AKAIN1: variants seen among roughly 807,000 people sequenced by gnomAD.
The protein encoded by AKAIN1 is A-kinase anchor inhibitor 1.
A neutral mutation model predicts 3.7 loss-of-function variants in AKAIN1; 3 were observed. The ratio of observed to expected loss-of-function variants is 0.82; its 90% CI spans 0.37 to 2.12. The LOEUF is 2.12. Among genes scored for constraint, AKAIN1 ranks in the 30% most tolerant of loss-of-function variants. The pLI is 0.06. For missense variants in AKAIN1, 82 were observed against 82.7 expected (o/e 0.99, Z 0.03); for synonymous variants, 31 against 30.8 (o/e 1.01, Z -0.02).
chr18:5,148,856 C>CA (rs546979515), intron 1 of AKAIN1, among the ~76,000 whole-genome samples: 20 of 149,108 alleles, frequency 1.3e-4, no homozygotes, highest in African/African-American at 2.7e-4. Context: ...GACTCTGTCA[C>CA]AAAAAAAAGA....
intron 1 of AKAIN1, among the ~76,000 whole-genome samples, chr18:5,189,930 A>G (rs561188465): frequency 2.6e-5 from 4 of 152,178 alleles, no homozygotes; most frequent in East Asian, 1.9e-4. Context: ...CTCAGTATCA[A>G]TTTTCTGTCT....
chr18:5,157,693 C>A (rs919275683), intron 1 of AKAIN1, among the ~76,000 whole-genome samples: 46 of 152,236 alleles, frequency 3.0e-4, no homozygotes, highest in African/African-American at 1.0e-3. Flanking sequence ...GACTTAGAAA[C>A]TTTTTTTAAA....
intron 1 of AKAIN1, among the ~76,000 whole-genome samples, chr18:5,167,138 A>C (rs1408931465): frequency 2.0e-5 from 3 of 152,124 alleles, no homozygotes; most frequent in Admixed American, 2.0e-4. Context: ...TAAATGGAGC[A>C]GGTTTAGAAG....
intron 1 of AKAIN1, among the ~76,000 whole-genome samples, chr18:5,165,392 A>G (rs552401498): frequency 5.3e-5 from 8 of 152,146 alleles, no homozygotes; most frequent in African/African-American, 1.9e-4. Flanking sequence ...GTAAGAAAGA[A>G]CAGCAATGGC....
chr18:5,190,953 AG>A (rs1455906996), intron 1 of AKAIN1, among the ~76,000 whole-genome samples: 1 of 152,138 alleles, frequency 6.6e-6, no homozygotes, highest in African/African-American at 2.4e-5. Flanking sequence ...ATTGGTGATG[AG>A]GGAACATTTG....
intron 1 of AKAIN1, among the ~76,000 whole-genome samples, chr18:5,149,339 C>T (rs2143308114): frequency 6.6e-6 from 1 of 152,262 alleles, no homozygotes; most frequent in Non-Finnish European, 1.5e-5. Context: ...GTGTTAGGCT[C>T]TTGGGTATGA....
At chr18:5,173,219 A>C (rs760881817) in intron 1 of AKAIN1, among the ~76,000 whole-genome samples, 1 of 152,204 alleles carries the variant, frequency 6.6e-6, no homozygotes, top group South Asian at 2.1e-4. Context: ...ACAATTGCTG[A>C]AAGCTTTTTG....
chr18:5,154,533 A>G (rs541591441), intron 1 of AKAIN1, among the ~76,000 whole-genome samples: 2 of 152,152 alleles, frequency 1.3e-5, no homozygotes, highest in Admixed American at 1.3e-4. Context: ...TAGAAAATCT[A>G]TGAAATGAGA....
chr18:5,190,512 C>T (rs2143033852), intron 1 of AKAIN1, among the ~76,000 whole-genome samples: 1 of 152,176 alleles, frequency 6.6e-6, no homozygotes, highest in East Asian at 1.9e-4. Context: ...TATAGTTTTA[C>T]TGGTGACGGA....
chr18:5,192,363 A>G (rs1000793925), intron 1 of AKAIN1, among the ~76,000 whole-genome samples: 1 of 151,582 alleles, frequency 6.6e-6, no homozygotes. Context: ...AACTACAGGC[A>G]TGTGCAACCA....
At chr18:5,168,592 A>T (rs1300258491) in intron 1 of AKAIN1, among the ~76,000 whole-genome samples, 5 of 152,078 alleles carry the variant, frequency 3.3e-5, no homozygotes, top group Admixed American at 2.0e-4. Flanking sequence ...CTTGAAGCCC[A>T]CTACAAATTT....
chr18:5,178,678 C>T (rs2071239900), intron 1 of AKAIN1, among the ~76,000 whole-genome samples: 1 of 152,140 alleles, frequency 6.6e-6, no homozygotes, highest in South Asian at 2.1e-4. Context: ...GCCTGTTGTG[C>T]CTGCCCTTAA....
chr18:5,190,565 G>A (rs2071313246), intron 1 of AKAIN1, among the ~76,000 whole-genome samples: 1 of 152,074 alleles, frequency 6.6e-6, no homozygotes, highest in African/African-American at 2.4e-5. Flanking sequence ...TATATAAGCA[G>A]AAAAAATTGA....
intron 1 of AKAIN1, among the ~76,000 whole-genome samples, chr18:5,153,453 T>C (rs1016004092): frequency 1.4e-4 from 21 of 150,324 alleles, no homozygotes; most frequent in Admixed American, 3.3e-4. Context: ...AATTGACAAG[T>C]ACATTAAAGA....
upstream of AKAIN1, chr18:5,197,580 A>G: frequency 8.1e-6 from 7 of 867,198 alleles, no homozygotes; most frequent in Non-Finnish European, 9.1e-6. This position sits in a 1 kb window ranked among gnomAD's most constrained non-coding sequence, Gnocchi z 6.9. Flanking sequence ...TGGCTCGAAT[A>G]GAGGGGCGGG....
At chr18:5,148,344 C>A (rs1327674767) in intron 1 of AKAIN1, among the ~76,000 whole-genome samples, 2 of 152,172 alleles carry the variant, frequency 1.3e-5, no homozygotes, top group African/African-American at 2.4e-5. Context: ...CCCTCATTTA[C>A]CTGAGTGAAG....
chr18:5,172,042 A>C (rs2071200619), intron 1 of AKAIN1, among the ~76,000 whole-genome samples: 1 of 152,204 alleles, frequency 6.6e-6, no homozygotes, highest in East Asian at 1.9e-4. Context: ...ATTTGCAACA[A>C]CATGGATGGA....
chr18:5,163,193 C>T (rs2071149388), intron 1 of AKAIN1, among the ~76,000 whole-genome samples: 2 of 151,132 alleles, frequency 1.3e-5, no homozygotes, highest in South Asian at 4.2e-4. Flanking sequence ...TCCCAAAGTG[C>T]AAGTCCCAAA....
At chr18:5,148,630 C>T (rs1476628685) in intron 1 of AKAIN1, among the ~76,000 whole-genome samples, 3 of 152,172 alleles carry the variant, frequency 2.0e-5, no homozygotes, top group South Asian at 2.1e-4. Flanking sequence ...CCGACATGGG[C>T]GAATCATTTG....
Sources: gnomAD v4.1 joint callset for allele counts (sites outside exome capture counted in the v4.1 genomes callset) on GRCh38, gnomAD v4.1.1 for gene constraint, Gnocchi (gnomAD v3.1) non-coding constraint, MANE v1.5 for transcripts, NCBI Gene and HGNC (gene_info 2026-07-23, HGNC 2026-07-21) for gene names.